The following DHX15 variants were observed in gnomAD, a reference collection of about 807,000 sequenced individuals.
DHX15 encodes the protein DEAH-box helicase 15, also known as ATP-dependent RNA helicase DHX15.
Under a neutral mutation model 94.4 loss-of-function variants are expected in DHX15, and 11 were observed. The observed-to-expected ratio is 0.12, with a 90% CI of 0.07 to 0.19. The LOEUF is 0.19. DHX15 is among the 10% of genes least tolerant of loss of function. The pLI, the probability that DHX15 is intolerant of heterozygous loss-of-function variation, is 1.00. For synonymous variants in DHX15, 338 were observed against 329.9 expected (o/e 1.02, Z -0.27); for missense variants, 304 against 988.5 (o/e 0.31, Z 9.29).
rs764296763 is a variant in DHX15, at chr4:24,537,451, A to C, written c.1787-278T>G. 6 of 256,302 alleles carry C rather than the reference A, an allele frequency of 2.3e-5. No individual in the cohort carries two copies. The highest frequency in any genetic ancestry group is 4.4e-5 in the Non-Finnish European group (6 of 135,066). The allele number at this position is 256,302 out of a possible 1,614,324, so 15.9% of individuals were successfully genotyped here. On this transcript the variant is annotated intron_variant, in intron 10 of 13. Transcript: ENST00000336812. The surrounding 1 kb of genome is among the most constrained non-coding windows in gnomAD (Gnocchi z 4.7). ...CAGCTATTCTGAAGGCCATCAGGAT[A>C]CTAAAAAGCTCAACTTATTTAAAAA...
At chr4:24,547,228 C>T (rs999259229) in intron 6 of DHX15, among the ~76,000 whole-genome samples, 1 of 152,212 alleles carries the variant, frequency 6.6e-6, no homozygotes, top group Non-Finnish European at 1.5e-5. Context: ...TCGGCTGAAA[C>T]ACCATCACTG....
intron 6 of DHX15, among the ~76,000 whole-genome samples, chr4:24,545,553 G>T (rs1721405008): frequency 6.6e-6 from 1 of 152,160 alleles, no homozygotes; most frequent in Non-Finnish European, 1.5e-5. Context: ...GTGTTAAATT[G>T]AGTCCTTAAC....
rs779645297 is a variant in DHX15 at position 24,554,713 on chromosome 4, T to G, written c.1080+12A>C. The G allele has an allele frequency of 6.2e-7, 1 of 1,603,378 alleles. No individual in the cohort carries two copies. Among genetic ancestry groups the G allele is most frequent in the Non-Finnish European group, 8.5e-7 (1 of 1,173,736 alleles). On this transcript the variant is annotated intron_variant, in intron 5 of 13. Coordinates refer to ENST00000336812, the MANE Select transcript of DHX15 (RefSeq NM_001358.3). Reference sequence around the variant, plus strand: ...GTCAAAAGCTAAATAATGAAGAAAATTAAAACAATACCTCTTGACCAGTTA... The same window carrying G: ...GTCAAAAGCTAAATAATGAAGAAAAGTAAAACAATACCTCTTGACCAGTTA...
chr4:24,540,351 G>T, intron 9 of DHX15, 52 bp from the exon 10 acceptor site: 1 of 1,458,294 alleles, frequency 6.9e-7, no homozygotes, highest in Non-Finnish European at 9.3e-7. Context: ...AAGCAAAAAT[G>T]TGACAAAGTA....
At position 24,532,854 on chromosome 4, in the gene DHX15, A is replaced by C. The variant is rs1212808830; in HGVS notation, c.2100+10T>G. The C allele has an allele frequency of 6.4e-7, 1 of 1,563,878 alleles. No individual in the cohort carries two copies. The highest frequency in any genetic ancestry group is 1.4e-5 in the African/African-American group (1 of 72,938). ...ATACTTAGTTATTCATTCCCATATTATCTACATACCTGCATAAAATACCCA... is the reference window on the plus strand; with the variant it reads ...ATACTTAGTTATTCATTCCCATATTCTCTACATACCTGCATAAAATACCCA... On this transcript the variant is annotated intron_variant, in intron 12 of 13. Transcript: ENST00000336812.
chr4:24,556,184 T>C (rs1475746561), intron 4 of DHX15, 67 bp downstream of exon 4: 2 of 1,373,224 alleles, frequency 1.5e-6, no homozygotes, highest in Non-Finnish European at 2.0e-6. Flanking sequence ...TTGATCAGTA[T>C]GTATTCCCCA....
intron 12 of DHX15, among the ~76,000 whole-genome samples, chr4:24,532,356 A>C (rs1721103183): frequency 6.6e-6 from 1 of 152,224 alleles, no homozygotes; most frequent in Non-Finnish European, 1.5e-5. Flanking sequence ...TGTAAATGAA[A>C]TCCACGTATT....
intron 1 of DHX15, among the ~76,000 whole-genome samples, chr4:24,578,614 T>C (rs1464027360): frequency 6.6e-6 from 1 of 152,070 alleles, no homozygotes; most frequent in Non-Finnish European, 1.5e-5. Flanking sequence ...CGGGTTGGAG[T>C]GCAGTGGCTC....
At chr4:24,581,916 G>A (rs955928685) in intron 1 of DHX15, among the ~76,000 whole-genome samples, 1 of 152,144 alleles carries the variant, frequency 6.6e-6, no homozygotes, top group African/African-American at 2.4e-5. Context: ...TATGCCAGGA[G>A]TAAATAAAGC....
intron 6 of DHX15, among the ~76,000 whole-genome samples, chr4:24,546,887 C>T (rs1347991973): frequency 6.6e-6 from 1 of 152,016 alleles, no homozygotes; most frequent in Admixed American, 6.6e-5. Flanking sequence ...AGCTACTATC[C>T]TTATATTAGA....
intron 6 of DHX15, among the ~76,000 whole-genome samples, chr4:24,547,905 A>ATATATCTATATATC (rs1721470131): frequency 1.4e-4 from 1 of 7,326 alleles, no homozygotes; most frequent in East Asian, 0.01. Context: ...ATGTATGTGT[A>ATATATCTATATATC]TATATATATA....
intron 11 of DHX15, among the ~76,000 whole-genome samples, chr4:24,535,005 G>T (rs1721165121): frequency 6.7e-6 from 1 of 149,760 alleles, no homozygotes; most frequent in African/African-American, 2.5e-5. Context: ...GGCAATCAGT[G>T]ATTAAAGGCT....
chr4:24,538,051 A>C (rs1393421905), intron 10 of DHX15: 1 of 152,216 alleles, frequency 6.6e-6, no homozygotes, highest in Non-Finnish European at 1.5e-5. Context: ...AATTCACATA[A>C]AACTTTAAAT....
chr4:24,548,483 C>T (rs1337711113), intron 6 of DHX15, among the ~76,000 whole-genome samples: 1 of 152,214 alleles, frequency 6.6e-6, no homozygotes, highest in Non-Finnish European at 1.5e-5. Context: ...ACAGGGTCAA[C>T]ATTTCACACC....
rs551935225 is a variant in DHX15 at position 24,563,998 on chromosome 4, C to T, written c.701+6656G>A. Among the ~76,000 whole-genome samples, 66 of 141,124 alleles carry T rather than the reference C, an allele frequency of 4.7e-4. 1 individual carries two copies. Among genetic ancestry groups the T allele is most frequent in the African/African-American group, 1.6e-3 (59 of 37,740 alleles). The allele number at this position is 141,124 out of a possible 152,430, so 92.6% of individuals were successfully genotyped here. On this transcript the variant is annotated intron_variant, in intron 3 of 13. Coordinates refer to ENST00000336812, the MANE Select transcript of DHX15 (RefSeq NM_001358.3). ...AGGAGAATGGTGTGAACCTGGGAGGCGGAGCTTGCAGTGAGCCAAGACTGC... is the reference window on the plus strand; with the variant it reads ...AGGAGAATGGTGTGAACCTGGGAGGTGGAGCTTGCAGTGAGCCAAGACTGC...
In DHX15 at chr4:24,540,877, A is replaced by T; in HGVS notation, c.1557T>A (p.Ile519=). The T allele has an allele frequency of 6.2e-7, 1 of 1,608,862 alleles. No homozygotes were observed. Among genetic ancestry groups the T allele is most frequent in the East Asian group, 2.2e-5 (1 of 44,684 alleles). ...SVVLQLKKLG[I]DDLVHFDFMD... is the part of the protein sequence containing the mutation. Reference sequence around the variant, plus strand: ...TAAAATCAAAATGTACCAAGTCATCAATACCAAGTTTCTTCAATTGTAACA... The same window carrying T: ...TAAAATCAAAATGTACCAAGTCATCTATACCAAGTTTCTTCAATTGTAACA... The change falls in exon 9 of 14, where the codon ATT becomes ATA. Residue 519 remains isoleucine (I), a synonymous_variant. Transcript: ENST00000336812.
rs1406025727 is a variant in DHX15, at chr4:24,581,252, TCTC to T, written c.71+3068_71+3070del. Among the ~76,000 whole-genome samples the T allele has an allele frequency of 2.0e-5, 3 of 151,688 alleles. No homozygotes were observed. The East Asian group carries it at 5.9e-4, about 30-fold the overall frequency. ...ACCGTGTTAGCCAGGATGGTCTTGA[TCTC>T]CTGACCTCGTGATCCACCCGCCTCG... On this transcript the variant is annotated intron_variant, in intron 1 of 13. Coordinates refer to ENST00000336812, the MANE Select transcript of DHX15 (RefSeq NM_001358.3).
intron 3 of DHX15, among the ~76,000 whole-genome samples, chr4:24,560,246 G>GAT (rs1721840177): frequency 1.3e-5 from 2 of 151,192 alleles, no homozygotes; most frequent in Admixed American, 1.3e-4. Flanking sequence ...TATATTTTAT[G>GAT]AAACATTCCA....
chr4:24,580,228 T>G (rs962671611), intron 1 of DHX15, among the ~76,000 whole-genome samples: 10 of 152,228 alleles, frequency 6.6e-5, no homozygotes, highest in African/African-American at 2.4e-4. Flanking sequence ...AGCAATACAG[T>G]GAGACCCCAT....
Sources: allele counts gnomAD v4.1 joint callset (sites outside exome capture counted in the v4.1 genomes callset), GRCh38; gene constraint gnomAD v4.1.1; non-coding constraint Gnocchi (gnomAD v3.1); transcripts MANE v1.5; gene names NCBI Gene and HGNC (gene_info 2026-07-23, HGNC 2026-07-21).